The following TUBGCP3 variants were observed in gnomAD, a reference collection of about 807,000 sequenced individuals.
TUBGCP3 encodes the protein tubulin gamma complex component 3.
TUBGCP3 carries 50 observed loss-of-function variants against 123.1 expected under a neutral mutation model. The observed-to-expected ratio is 0.41, with a 90% CI of 0.32 to 0.51. TUBGCP3 has a LOEUF of 0.51. Ranked by LOEUF, TUBGCP3 falls within the 20% of genes least tolerant of loss-of-function variation. The pLI is 0.36. For synonymous variants in TUBGCP3, 405 were observed against 413.9 expected, an observed-to-expected ratio of 0.98 and a Z score of 0.26; for missense variants, 882 against 1,127.0, an observed-to-expected ratio of 0.78 and a Z score of 3.11.
chr13:112,584,547 C>A (rs1272040843), intron 1 of TUBGCP3, among the ~76,000 whole-genome samples: 1 of 152,194 alleles, frequency 6.6e-6, no homozygotes, highest in Non-Finnish European at 1.5e-5. Context: ...AATAGCAACA[C>A]CACTTGTGGT....
At chr13:112,556,488 A>G (rs554632285) in intron 5 of TUBGCP3, among the ~76,000 whole-genome samples, 13 of 152,254 alleles carry the variant, frequency 8.5e-5, no homozygotes, top group Admixed American at 8.5e-4. Context: ...GCTACCTTAC[A>G]ATATATATTT....
Position 112,524,346 on chromosome 13 carries a change from G to A in TUBGCP3, c.1556-1837C>T, listed in dbSNP as rs1255926719. 6.6e-6 allele frequency among the ~76,000 whole-genome samples: 1 copy of A among 152,096 alleles called. No individual in the cohort carries two copies. The highest frequency in any genetic ancestry group is 1.5e-5 in the Non-Finnish European group (1 of 68,028). On this transcript the variant is annotated intron_variant, in intron 13 of 21. Coordinates refer to ENST00000261965, the MANE Select transcript of TUBGCP3 (RefSeq NM_006322.6). This position sits in a 1 kb window ranked among gnomAD's most constrained non-coding sequence, Gnocchi z 4.4. ...TTGAATCTGCAGATGTGGGGCGGTGGGTACAGGGGCCGCCAGCAGCACAGC... is the reference window on the plus strand; with the variant it reads ...TTGAATCTGCAGATGTGGGGCGGTGAGTACAGGGGCCGCCAGCAGCACAGC...
At chr13:112,540,165 A>G (rs1878398002) in intron 11 of TUBGCP3, among the ~76,000 whole-genome samples, 1 of 148,810 alleles carries the variant, frequency 6.7e-6, no homozygotes, top group African/African-American at 2.4e-5. Flanking sequence ...GCCTATGAGC[A>G]TTCAGGTGGT....
intron 3 of TUBGCP3, among the ~76,000 whole-genome samples, chr13:112,561,620 C>T (rs1594203918): frequency 1.3e-5 from 2 of 152,120 alleles, no homozygotes; most frequent in Non-Finnish European, 1.5e-5. Flanking sequence ...AGGCAGCGTG[C>T]GGGTGGATGC....
upstream of TUBGCP3, among the ~76,000 whole-genome samples, chr13:112,590,619 C>A (rs1324078772): frequency 6.6e-6 from 1 of 152,044 alleles, no homozygotes; most frequent in Non-Finnish European, 1.5e-5. Flanking sequence ...GTAAAATTAT[C>A]TTAGAGAAAA....
intron 20 of TUBGCP3, among the ~76,000 whole-genome samples, chr13:112,494,510 C>T (rs901664723): frequency 2.0e-5 from 3 of 152,366 alleles, no homozygotes; most frequent in South Asian, 2.1e-4. Flanking sequence ...CCACAGGCCA[C>T]GGAGCAACAG....
At chr13:112,495,238 T>A (rs1456918453) in intron 20 of TUBGCP3, among the ~76,000 whole-genome samples, 2 of 152,242 alleles carry the variant, frequency 1.3e-5, no homozygotes, top group African/African-American at 4.8e-5. Context: ...TTGATTTTTG[T>A]ACATGGCAAG....
Position 112,575,722 on chromosome 13 carries a change from A to C in TUBGCP3, c.77-6463T>G, listed in dbSNP as rs373667096. On this transcript the variant is annotated intron_variant, in intron 1 of 21. Transcript: ENST00000261965. Reference sequence around the variant, plus strand: ...CACAAAGCAGTCTGATTAAATAGAAAACAATAAAATTATTCAAAGTATGTC... The same window carrying C: ...CACAAAGCAGTCTGATTAAATAGAACACAATAAAATTATTCAAAGTATGTC... 7.2e-5 allele frequency among the ~76,000 whole-genome samples: 11 copies of C among 152,372 alleles called. No individual in the cohort carries two copies. The South Asian group carries it at 2.3e-3, about 32-fold the overall frequency.
intron 13 of TUBGCP3, among the ~76,000 whole-genome samples, chr13:112,523,969 T>C (rs1876833275): frequency 6.6e-6 from 1 of 152,062 alleles, no homozygotes; most frequent in Non-Finnish European, 1.5e-5. Flanking sequence ...GAAACTTTGC[T>C]CTCCGCAGAC....
chr13:112,485,705 T>G lies in TUBGCP3; in HGVS notation c.*288A>C, dbSNP rs1386905339. On this transcript the variant is annotated 3_prime_UTR_variant, in exon 22 of 22. Coordinates refer to ENST00000261965, the MANE Select transcript of TUBGCP3 (RefSeq NM_006322.6). ...AAATATAAATTATAACATAGAAAGCTTAAGAAGCCTCAGCAAATTATGGTA... is the reference window on the plus strand; with the variant it reads ...AAATATAAATTATAACATAGAAAGCGTAAGAAGCCTCAGCAAATTATGGTA... 5.5e-6 allele frequency: 2 copies of G among 362,348 alleles called. No homozygotes were observed. Among genetic ancestry groups the G allele is most frequent in the South Asian group, 1.1e-4 (1 of 9,008 alleles). The allele number at this position is 362,348 out of a possible 1,614,324, so 22.4% of individuals were successfully genotyped here.
upstream of TUBGCP3, among the ~76,000 whole-genome samples, chr13:112,591,483 A>G (rs1882881740): frequency 6.6e-6 from 1 of 152,182 alleles, no homozygotes; most frequent in African/African-American, 2.4e-5. Context: ...TGTTGCTACC[A>G]TCACCAGCCA....
intron 1 of TUBGCP3, among the ~76,000 whole-genome samples, chr13:112,578,736 G>A (rs1024254505): frequency 1.3e-5 from 2 of 151,972 alleles, no homozygotes; most frequent in Non-Finnish European, 2.9e-5. Context: ...TGGGCTTCCA[G>A]AGCTCAGGGC....
intron 1 of TUBGCP3, chr13:112,587,342 G>A (rs1389064041): frequency 6.6e-6 from 1 of 152,344 alleles, no homozygotes; most frequent in Admixed American, 6.5e-5. Context: ...AAACACGGCA[G>A]TTACAGTCGT....
intron 8 of TUBGCP3, among the ~76,000 whole-genome samples, chr13:112,549,254 A>G (rs1266578570): frequency 2.0e-5 from 3 of 147,220 alleles, no homozygotes; most frequent in African/African-American, 7.5e-5. Flanking sequence ...AAAACACCGC[A>G]TGTTCTCACT....
At chr13:112,544,369 C>T (rs1025193096) in intron 11 of TUBGCP3, among the ~76,000 whole-genome samples, 2 of 144,554 alleles carry the variant, frequency 1.4e-5, no homozygotes, top group Non-Finnish European at 3.0e-5. Context: ...AGGAGAATGG[C>T]GTGAACATGG....
In TUBGCP3 at chr13:112,504,116, G is replaced by A; in HGVS notation, c.2223C>T (p.Ala741=). ...WDELWNKVQQ[A]QDLDHIIAAH... is the part of the protein sequence containing the mutation. ...CAGCAATGATGTGATCCAAATCCTG[G>A]GCCTGCTGGACTTTGTTCCAAAGCT... The change falls in exon 19 of 22, where the codon GCC becomes GCT. Residue 741 remains alanine (A), a synonymous_variant. Coordinates refer to ENST00000261965, the MANE Select transcript of TUBGCP3 (RefSeq NM_006322.6). 2.5e-6 allele frequency: 4 copies of A among 1,614,016 alleles called. No homozygotes were observed. Among genetic ancestry groups the A allele is most frequent in the Non-Finnish European group, 3.4e-6 (4 of 1,179,984 alleles).
chr13:112,517,029 G>T (rs1876195000), intron 16 of TUBGCP3, among the ~76,000 whole-genome samples: 1 of 151,926 alleles, frequency 6.6e-6, no homozygotes. Context: ...TTGTTTGTTT[G>T]TTTTGAGATA....
In TUBGCP3 at chr13:112,552,944, T is replaced by C. The variant is rs374251263; in HGVS notation, c.966+1113A>G. On this transcript the variant is annotated intron_variant, in intron 8 of 21. Coordinates refer to ENST00000261965, the MANE Select transcript of TUBGCP3 (RefSeq NM_006322.6). Reference sequence around the variant, plus strand: ...ACAGCACACTCCTCCCCACCAGCCATGCTCCTACTCACCAGCCACACTGCC... The same window carrying C: ...ACAGCACACTCCTCCCCACCAGCCACGCTCCTACTCACCAGCCACACTGCC... 4.3e-3 allele frequency among the ~76,000 whole-genome samples: 634 copies of C among 148,590 alleles called. 7 individuals are homozygous for C. The highest frequency in any genetic ancestry group is 0.018 in the Admixed American group (263 of 14,944).
At chr13:112,594,008 T>C in the TUBGCP3 span, among the ~76,000 whole-genome samples, 1 of 147,318 alleles carries the variant, frequency 6.8e-6, no homozygotes, top group East Asian at 2.0e-4. Flanking sequence ...TTTGAACAGA[T>C]GTATAAGTAA....
Sources: gnomAD v4.1 joint callset for allele counts (sites outside exome capture counted in the v4.1 genomes callset) on GRCh38, gnomAD v4.1.1 for gene constraint, Gnocchi (gnomAD v3.1) non-coding constraint, MANE v1.5 for transcripts, NCBI Gene and HGNC (gene_info 2026-07-23, HGNC 2026-07-21) for gene names.